The following ZNF146 variants were observed in gnomAD, a reference collection of about 807,000 sequenced individuals.
ZNF146 encodes zinc finger protein OZF.
In ZNF146, 9 loss-of-function variants were observed where a neutral mutation model predicts 22.2. That is an observed-to-expected ratio of 0.41 (90% confidence interval 0.24 to 0.71). The LOEUF is 0.71. Ranked by LOEUF, ZNF146 falls within the 30% of genes least tolerant of loss-of-function variation. The pLI is 0.34. For missense variants in ZNF146, 194 were observed against 344.8 expected (o/e 0.56, Z 3.46); for synonymous variants, 108 against 119.2 (o/e 0.91, Z 0.61).
chr19:36,225,752 C>CTTT (rs67760026), intron 2 of ZNF146, among the ~76,000 whole-genome samples: 8 of 66,724 alleles, frequency 1.2e-4, no homozygotes, highest in Non-Finnish European at 1.7e-4. Flanking sequence ...CTTTGTGATT[C>CTTT]TTTTTTTTTT....
intron 2 of ZNF146, among the ~76,000 whole-genome samples, chr19:36,222,554 G>A (rs10407850): frequency 0.26 from 39,397 of 151,974 alleles, 5,509 homozygotes; most frequent in African/African-American, 0.37. Context: ...TCGAATATTT[G>A]GTATTTCGCT....
chr19:36,229,724 A>T (rs1328351749), intron 3 of ZNF146, among the ~76,000 whole-genome samples: 7 of 151,878 alleles, frequency 4.6e-5, no homozygotes, highest in African/African-American at 1.7e-4. Flanking sequence ...TTTGTTATTT[A>T]TTTTCATTTT....
chr19:36,219,359 C>A (rs1441868437), intron 2 of ZNF146, among the ~76,000 whole-genome samples: 1 of 152,022 alleles, frequency 6.6e-6, no homozygotes, highest in Non-Finnish European at 1.5e-5. Flanking sequence ...GAGATGGAGT[C>A]TTACTATGTT....
chr19:36,229,372 G>A (rs1977221231), intron 3 of ZNF146, among the ~76,000 whole-genome samples: 1 of 152,044 alleles, frequency 6.6e-6, no homozygotes, highest in Non-Finnish European at 1.5e-5. Context: ...TTTTCCCTCT[G>A]CTACTTTTAT....
intron 2 of ZNF146, among the ~76,000 whole-genome samples, chr19:36,226,514 C>A (rs1977073715): frequency 6.6e-6 from 1 of 152,164 alleles, no homozygotes; most frequent in Admixed American, 6.5e-5. Flanking sequence ...CCCAATTTCA[C>A]CAATCATTTA....
At chr19:36,226,788 T>G (rs986280797) in intron 2 of ZNF146, among the ~76,000 whole-genome samples, 1 of 152,180 alleles carries the variant, frequency 6.6e-6, no homozygotes, top group Non-Finnish European at 1.5e-5. Context: ...TGCTATTGAT[T>G]AAAAAAATTC....
chr19:36,215,816 A>G (rs112055270), intron 1 of ZNF146, among the ~76,000 whole-genome samples: 13 of 152,200 alleles, frequency 8.5e-5, no homozygotes, highest in Non-Finnish European at 1.9e-4. Flanking sequence ...GCAATCCCAT[A>G]TAACGGCGCC....
chr19:36,232,700 C>G (rs983960508), intron 3 of ZNF146, among the ~76,000 whole-genome samples: 1 of 151,760 alleles, frequency 6.6e-6, no homozygotes, highest in African/African-American at 2.4e-5. Context: ...CCTCCACCTC[C>G]CGGTTTCAAG....
At position 36,236,268 on chromosome 19, in the gene ZNF146, G is replaced by C; in HGVS notation, c.-173G>C. 1 of 765,032 alleles carries C rather than the reference G, an allele frequency of 1.3e-6. No individual in the cohort carries two copies. Among genetic ancestry groups the C allele is most frequent in the Non-Finnish European group, 2.0e-6 (1 of 501,144 alleles). The allele number at this position is 765,032 out of a possible 1,614,324, so 47.4% of individuals were successfully genotyped here. On this transcript the variant is annotated 5_prime_UTR_variant, in exon 4 of 4. An upstream start codon of the reference 5' UTR is lost. Transcript: ENST00000443387. ...AGAAAGCATTGAATATACTGAGTAT[G>C]ATAACATTTCCTCTCAAACCTTATC...
intron 2 of ZNF146, among the ~76,000 whole-genome samples, chr19:36,227,498 C>G (rs1205169103): frequency 6.6e-6 from 1 of 151,562 alleles, no homozygotes; most frequent in East Asian, 1.9e-4. Flanking sequence ...ATCTTCCTGT[C>G]TCAGCCTCCT....
rs1174832516 is a variant in ZNF146, at chr19:36,236,158, C to G, written c.-283C>G. 1 of 344,470 alleles carries G rather than the reference C, an allele frequency of 2.9e-6. No homozygotes were observed. Among genetic ancestry groups the G allele is most frequent in the African/African-American group, 2.1e-5 (1 of 46,686 alleles). 21.3% of individuals were successfully genotyped at this position (344,470 alleles called of 1,614,324 possible). A position where few individuals can be genotyped will look rare whatever the true frequency, so the allele number is the denominator to read the frequency against. ...GACAAGCCCTTAGCTAGATGACAATCTCATTGAGAAGCAGAAAATTCATGC... is the reference window on the plus strand; with the variant it reads ...GACAAGCCCTTAGCTAGATGACAATGTCATTGAGAAGCAGAAAATTCATGC... On this transcript the variant is annotated 5_prime_UTR_variant, in exon 4 of 4. The change creates a new upstream start codon in the 5' untranslated region. Coordinates refer to ENST00000443387, the MANE Select transcript of ZNF146 (RefSeq NM_007145.3).
chr19:36,216,642 C>T (rs1282515376), intron 1 of ZNF146, among the ~76,000 whole-genome samples: 3 of 151,702 alleles, frequency 2.0e-5, no homozygotes, highest in Non-Finnish European at 2.9e-5. Flanking sequence ...TGGACAAGAG[C>T]GAGATTCCGT....
At chr19:36,214,796 A>T (rs1049359585), upstream of ZNF146, 1 of 152,558 alleles carries the variant, frequency 6.6e-6, no homozygotes, top group African/African-American at 2.4e-5. Flanking sequence ...GCTCGTTTTG[A>T]CATTTTTGCG....
chr19:36,236,929 A>G lies in ZNF146; in HGVS notation c.489A>G (p.Thr163=), dbSNP rs772098307. 2 of 1,614,192 alleles carry G rather than the reference A, an allele frequency of 1.2e-6. No individual in the cohort carries two copies. The highest frequency in any genetic ancestry group is 1.7e-5 in the Admixed American group (1 of 60,024). ...CTTTTAAATGTAGTGAATGTGGAAC[A>G]GCCTTTGGCCAGAAGAAGTACCTCA... ...EKPFKCSECG[T]AFGQKKYLIK... is the part of the protein sequence containing the mutation. The change falls in exon 4 of 4, where the codon ACA becomes ACG. Residue 163 remains threonine (T), a synonymous_variant. Transcript: ENST00000443387.
intron 1 of ZNF146, among the ~76,000 whole-genome samples, chr19:36,216,727 C>A (rs1976623290): frequency 6.6e-6 from 1 of 152,054 alleles, no homozygotes; most frequent in Non-Finnish European, 1.5e-5. Context: ...GGGAACTGAT[C>A]CTAGACTTAC....
chr19:36,234,255 A>C (rs1440594816), intron 3 of ZNF146, among the ~76,000 whole-genome samples: 1 of 152,194 alleles, frequency 6.6e-6, no homozygotes, highest in Non-Finnish European at 1.5e-5. Flanking sequence ...CTTAGTACAG[A>C]ACAAAATGGA....
At chr19:36,221,927 CTTTT>C (rs60347994) in intron 2 of ZNF146, among the ~76,000 whole-genome samples, 15 of 109,890 alleles carry the variant, frequency 1.4e-4, no homozygotes, top group African/African-American at 3.9e-4. Flanking sequence ...TTTTTTCTTT[CTTTT>C]TTTTTTTTTT....
intron 2 of ZNF146, among the ~76,000 whole-genome samples, chr19:36,225,577 A>G (rs951915175): frequency 6.6e-6 from 1 of 151,672 alleles, no homozygotes; most frequent in Non-Finnish European, 1.5e-5. Flanking sequence ...CAGCCTGTCA[A>G]GTAGCTGGGA....
intron 2 of ZNF146, among the ~76,000 whole-genome samples, chr19:36,221,927 C>CTTTTTTTTTTT (rs60347994): frequency 9.3e-4 from 102 of 109,834 alleles, no homozygotes; most frequent in African/African-American, 1.1e-3. Flanking sequence ...TTTTTTCTTT[C>CTTTTTTTTTTT]TTTTTTTTTT....
Sources: gnomAD v4.1 joint callset for allele counts (sites outside exome capture counted in the v4.1 genomes callset) on GRCh38, gnomAD v4.1.1 for gene constraint, MANE v1.5 for transcripts, NCBI Gene and HGNC (gene_info 2026-07-23, HGNC 2026-07-21) for gene names.